The following ST6GALNAC3 variants were observed in gnomAD, a reference collection of about 807,000 sequenced individuals.
The protein encoded by ST6GALNAC3 is ST6 N-acetylgalactosaminide alpha-2,6-sialyltransferase 3, also known as alpha-N-acetylgalactosaminide alpha-2,6-sialyltransferase 3.
ST6GALNAC3 carries 25 observed loss-of-function variants against 32.7 expected under a neutral mutation model. The observed-to-expected ratio is 0.76, with a 90% CI of 0.56 to 1.07. ST6GALNAC3 has a LOEUF of 1.07. Among genes scored for constraint, ST6GALNAC3 ranks in the 50% least tolerant of loss-of-function variants. ST6GALNAC3 has a pLI of 0.00. For missense variants in ST6GALNAC3, 355 were observed against 382.4 expected, an observed-to-expected ratio of 0.93 and a Z score of 0.60; for synonymous variants, 129 against 133.1, an observed-to-expected ratio of 0.97 and a Z score of 0.21.
At chr1:76,082,271 A>G (rs1156832306) in intron 1 of ST6GALNAC3, among the ~76,000 whole-genome samples, 1 of 152,188 alleles carries the variant, frequency 6.6e-6, no homozygotes, top group East Asian at 1.9e-4. Flanking sequence ...TACAAGTGCT[A>G]CCTGGATCCC....
At chr1:76,539,447 T>C (rs184283899) in intron 3 of ST6GALNAC3, among the ~76,000 whole-genome samples, 1 of 152,274 alleles carries the variant, frequency 6.6e-6, no homozygotes, top group African/African-American at 2.4e-5. Context: ...ATTCAGGACA[T>C]AGGCATGGGC....
At chr1:76,353,614 G>A (rs1369371914) in intron 2 of ST6GALNAC3, 2 of 156,380 alleles carry the variant, frequency 1.3e-5, no homozygotes, top group African/African-American at 2.4e-5. Context: ...CAGGCTGCAG[G>A]TGAGGCCTGT....
intron 3 of ST6GALNAC3, among the ~76,000 whole-genome samples, chr1:76,418,721 T>G (rs1654818144): frequency 6.6e-6 from 1 of 151,856 alleles, no homozygotes; most frequent in African/African-American, 2.4e-5. Context: ...TCCCAGCTGG[T>G]GTATTTGGCA....
At chr1:76,310,608 A>G (rs1416720261) in intron 1 of ST6GALNAC3, among the ~76,000 whole-genome samples, 2 of 152,162 alleles carry the variant, frequency 1.3e-5, no homozygotes, top group African/African-American at 2.4e-5. Context: ...CTGGGAGGAT[A>G]CAGGAACTGC....
At chr1:76,351,191 G>A (rs754451349) in intron 2 of ST6GALNAC3, among the ~76,000 whole-genome samples, 8 of 151,988 alleles carry the variant, frequency 5.3e-5, no homozygotes, top group Non-Finnish European at 1.0e-4. Context: ...GGCTTATGCT[G>A]GTTTTATAAA....
intron 1 of ST6GALNAC3, among the ~76,000 whole-genome samples, chr1:76,134,218 A>G (rs773146739): frequency 5.9e-5 from 9 of 152,188 alleles, no homozygotes; most frequent in Non-Finnish European, 1.3e-4. Context: ...CCTCAGCATT[A>G]TACACTGTAT....
chr1:76,477,671 G>A (rs899170321), intron 3 of ST6GALNAC3, among the ~76,000 whole-genome samples: 1 of 152,130 alleles, frequency 6.6e-6, no homozygotes, highest in Non-Finnish European at 1.5e-5. Flanking sequence ...GCCTCTCCCT[G>A]CATTCTTGGG....
intron 3 of ST6GALNAC3, among the ~76,000 whole-genome samples, chr1:76,477,422 T>C (rs1437939294): frequency 6.6e-6 from 1 of 151,968 alleles, no homozygotes; most frequent in Non-Finnish European, 1.5e-5. Context: ...GGCCACAGAG[T>C]TCCTTTTGGT....
At chr1:76,471,610 C>A (rs1410030671) in intron 3 of ST6GALNAC3, among the ~76,000 whole-genome samples, 3 of 152,006 alleles carry the variant, frequency 2.0e-5, no homozygotes, top group Non-Finnish European at 4.4e-5. Context: ...GAGTAGGGCC[C>A]TATTTTCTTT....
At chr1:76,443,012 C>T (rs1305851384) in intron 3 of ST6GALNAC3, among the ~76,000 whole-genome samples, 2 of 152,196 alleles carry the variant, frequency 1.3e-5, no homozygotes, top group Non-Finnish European at 2.9e-5. Flanking sequence ...TGTTTTCTGA[C>T]ATCTACAGTT....
At chr1:76,375,547 T>C (rs1651154239) in intron 2 of ST6GALNAC3, among the ~76,000 whole-genome samples, 1 of 152,162 alleles carries the variant, frequency 6.6e-6, no homozygotes, top group African/African-American at 2.4e-5. Flanking sequence ...TACTTGTCAT[T>C]TCCCAAGTTC....
intron 1 of ST6GALNAC3, among the ~76,000 whole-genome samples, chr1:76,286,659 A>G (rs752892716): frequency 1.3e-5 from 2 of 152,210 alleles, no homozygotes; most frequent in Non-Finnish European, 2.9e-5. Flanking sequence ...TTTATTCACA[A>G]AGTGCCTCAC....
At chr1:76,410,439 ACT>A (rs1484253105) in intron 2 of ST6GALNAC3, among the ~76,000 whole-genome samples, 1 of 151,760 alleles carries the variant, frequency 6.6e-6, no homozygotes, top group Non-Finnish European at 1.5e-5. Flanking sequence ...TCTCTCACAC[ACT>A]CACACACACA....
chr1:76,365,089 G>A (rs562060822), intron 2 of ST6GALNAC3, among the ~76,000 whole-genome samples: 21 of 152,298 alleles, frequency 1.4e-4, no homozygotes, highest in African/African-American at 4.8e-4. Flanking sequence ...TTCATCAATA[G>A]TGGATTGGAT....
chr1:76,342,964 C>A (rs1277225602), intron 2 of ST6GALNAC3, among the ~76,000 whole-genome samples: 16 of 151,950 alleles, frequency 1.1e-4, no homozygotes. Context: ...CTTATAGATT[C>A]TGGATATTAG....
At chr1:76,229,119 G>A (rs985926761) in intron 1 of ST6GALNAC3, among the ~76,000 whole-genome samples, 1 of 152,094 alleles carries the variant, frequency 6.6e-6, no homozygotes, top group African/African-American at 2.4e-5. Flanking sequence ...ACAACCTGCA[G>A]CAACCCGCCC....
At chr1:76,343,064 G>A (rs921832767) in intron 2 of ST6GALNAC3, among the ~76,000 whole-genome samples, 4 of 152,010 alleles carry the variant, frequency 2.6e-5, no homozygotes, top group African/African-American at 7.2e-5. Context: ...CTGTGCAGAA[G>A]CCCGTCCGTT....
At position 76,629,228 on chromosome 1, in the gene ST6GALNAC3, C is replaced by T. The variant is rs181441844; in HGVS notation, c.*422C>T. On this transcript the variant is annotated 3_prime_UTR_variant, in exon 5 of 5. Transcript: ENST00000328299. The stretch of plus-strand genomic sequence containing the variant: ...ATGGCTTGTTGAATCTCAGCAGTTC[C>T]GCCATCTTGAAGAATGATTGATTGT... 782 of 997,918 alleles carry T rather than the reference C, an allele frequency of 7.8e-4. No homozygotes were observed. In the East Asian group the frequency reaches 9.4e-3, roughly 12 times the overall value. 61.8% of individuals were successfully genotyped at this position (997,918 alleles called of 1,614,324 possible).
intron 1 of ST6GALNAC3, among the ~76,000 whole-genome samples, chr1:76,126,576 T>C (rs1649266709): frequency 2.0e-5 from 3 of 152,174 alleles, no homozygotes; most frequent in Admixed American, 1.3e-4. Flanking sequence ...TAGTGACATA[T>C]AGGGTACTGT....
Sources: allele counts gnomAD v4.1 joint callset (sites outside exome capture counted in the v4.1 genomes callset), GRCh38; gene constraint gnomAD v4.1.1; transcripts MANE v1.5; gene names NCBI Gene and HGNC (gene_info 2026-07-23, HGNC 2026-07-21).